The following KIF26A variants were observed in gnomAD, a reference collection of about 807,000 sequenced individuals.
The protein encoded by KIF26A is kinesin-like protein KIF26A.
KIF26A carries 74 observed loss-of-function variants against 126.0 expected under a neutral mutation model. That is an observed-to-expected ratio of 0.59 (90% CI 0.49 to 0.71). The LOEUF (loss-of-function observed/expected upper bound fraction) is 0.71, where lower values mean the gene tolerates loss of function less well. Ranked by LOEUF, KIF26A falls within the 30% of genes least tolerant of loss-of-function variation. The probability of loss-of-function intolerance (pLI) is 0.00; values close to 1 mark genes in which losing one functional copy is unlikely to be tolerated. For missense variants in KIF26A, 2,984 were observed against 2,763.3 expected, an observed-to-expected ratio of 1.08 and a Z score of -1.79; for synonymous variants, 1,445 against 1,232.7, an observed-to-expected ratio of 1.17 and a Z score of -3.61.
At position 104,157,718 on chromosome 14, in the gene KIF26A, C is replaced by T. The variant is rs1039460465; in HGVS notation, c.736-37C>T. On this transcript the variant is annotated intron_variant, in intron 3 of 14. Transcript: ENST00000423312. Reference sequence around the variant, plus strand: ...GCCAGGGGGCAGTGGTGTCTCTGCCCTTGCGTTCCTTATACGCACTCTCTC... The same window carrying T: ...GCCAGGGGGCAGTGGTGTCTCTGCCTTTGCGTTCCTTATACGCACTCTCTC... The T allele has an allele frequency of 5.0e-6, 8 of 1,592,184 alleles. No individual in the cohort carries two copies. In the African/African-American group the frequency reaches 9.4e-5, roughly 19 times the overall value.
In KIF26A at chr14:104,171,712, C is replaced by G. The variant is rs1216041071; in HGVS notation, c.1114-11C>G. The stretch of plus-strand genomic sequence containing the variant: ...AGGCAGCTTCTCAGGTGCCGCCCAC[C>G]TCTGCCCCAGGTGAAGGTTATGCTG... On this transcript the variant is annotated splice_polypyrimidine_tract_variant and intron_variant, in intron 5 of 14. Transcript: ENST00000423312. 1.3e-6 allele frequency: 2 copies of G among 1,556,094 alleles called. No homozygotes were observed. The highest frequency in any genetic ancestry group is 4.8e-5 in the East Asian group (2 of 41,796).
rs752772696 is a variant in KIF26A at position 104,175,350 on chromosome 14, C to T, written c.2562C>T (p.Asn854=). Residue 854 remains asparagine, a synonymous_variant, in exon 12 of 15, where the codon AAC becomes AAT. Coordinates refer to ENST00000423312, the MANE Select transcript of KIF26A (RefSeq NM_015656.2). ...AGCGGCTGGAATGCATGGACGGCAA[C>T]GAGGGTCCCTCAGGAGGTCCAGGTG... ...LQERLECMDG[N]EGPSGGPGGT... 3.7e-6 allele frequency: 6 copies of T among 1,602,682 alleles called. No individual in the cohort carries two copies. The highest frequency in any genetic ancestry group is 2.2e-5 in the East Asian group (1 of 44,806).
chr14:104,172,027 C>A, intron 6 of KIF26A, 92 bp downstream of exon 6: 2 of 1,240,636 alleles, frequency 1.6e-6, no homozygotes, highest in South Asian at 2.9e-5. Context: ...CTTCTCCGTG[C>A]AGGGCGCAGA....
At chr14:104,165,193 ATG>A (rs562875953) in intron 4 of KIF26A, among the ~76,000 whole-genome samples, 2 of 126,994 alleles carry the variant, frequency 1.6e-5, no homozygotes, top group African/African-American at 3.5e-5. Context: ...TTCTGTATGC[ATG>A]TGTGTGTCTG....
chr14:104,172,492 G>A (rs920010524), intron 6 of KIF26A, 83 bp from the exon 7 acceptor site: 4 of 956,678 alleles, frequency 4.2e-6, no homozygotes, highest in Non-Finnish European at 4.8e-6. Context: ...CTGCCTGCAT[G>A]TGCCAGGACA....
intron 2 of KIF26A, among the ~76,000 whole-genome samples, chr14:104,142,710 A>G (rs985119209): frequency 2.1e-4 from 32 of 151,922 alleles, no homozygotes; most frequent in Non-Finnish European, 3.5e-4. Flanking sequence ...ATGCTCACCC[A>G]CCACCGCAAA....
chr14:104,161,091 G>C (rs1191311094), intron 4 of KIF26A, among the ~76,000 whole-genome samples: 1 of 152,254 alleles, frequency 6.6e-6, no homozygotes, highest in Non-Finnish European at 1.5e-5. Context: ...GTCCCCACCT[G>C]TCTTCTGGCC....
At chr14:104,142,611 G>A (rs2037647215) in intron 2 of KIF26A, among the ~76,000 whole-genome samples, 1 of 152,160 alleles carries the variant, frequency 6.6e-6, no homozygotes. Context: ...AGATGTCCCT[G>A]TGGGAGGTTG....
rs879744130 is a variant in KIF26A at position 104,148,273 on chromosome 14, A to G, written c.289-3742A>G. 3.7e-4 allele frequency among the ~76,000 whole-genome samples: 57 copies of G among 152,216 alleles called. No individual in the cohort carries two copies. The highest frequency in any genetic ancestry group is 1.1e-3 in the Admixed American group (17 of 15,284). On this transcript the variant is annotated intron_variant, in intron 2 of 14. Coordinates refer to ENST00000423312, the MANE Select transcript of KIF26A (RefSeq NM_015656.2). This position sits in a 1 kb window ranked among gnomAD's most constrained non-coding sequence, Gnocchi z 4.3. ...AGACTCCCTAAAACCCAGGCGCGCA[A>G]TGGGTGGGCTATGTTTGATGCTAAA... is the stretch of plus-strand genomic sequence containing the variant.
chr14:104,180,756 G>A lies in KIF26A; in HGVS notation c.*966G>A, dbSNP rs539948154. 4.4e-4 allele frequency: 68 copies of A among 154,444 alleles called. No homozygotes were observed. Among genetic ancestry groups the A allele is most frequent in the African/African-American group, 1.6e-3 (66 of 41,636 alleles). The allele number at this position is 154,444 out of a possible 1,614,324, so 9.6% of individuals were successfully genotyped here. ...ATGCAGACGAGGGGTGAGCCTGCCA[G>A]CGTTTGCGACGTCCCCGCACGACAG... On this transcript the variant is annotated 3_prime_UTR_variant, in exon 15 of 15. Transcript: ENST00000423312.
Position 104,176,932 on chromosome 14 carries a change from C to T in KIF26A, c.4144C>T (p.Pro1382Ser). Residue 1382 changes from proline (P) to serine (S), a missense_variant, in exon 12 of 15, where the codon CCG (proline) becomes TCG (serine). Transcript: ENST00000423312. ...GAGGAGCAGCCCGGCCTCGGCCCCTCCGCATGCTGTGAACCCGGCGCGGGT... is the reference window on the plus strand; with the variant it reads ...GAGGAGCAGCCCGGCCTCGGCCCCTTCGCATGCTGTGAACCCGGCGCGGGT... ...EQRSSPASAP[P>S]HAVNPARVGA... 1.3e-6 allele frequency: 2 copies of T among 1,536,516 alleles called. No individual in the cohort carries two copies. Among genetic ancestry groups the T allele is most frequent in the Non-Finnish European group, 1.7e-6 (2 of 1,145,908 alleles).
chr14:104,138,847 T>G (rs2037608497), intron 1 of KIF26A, 83 bp downstream of exon 1: 1 of 1,260,280 alleles, frequency 7.9e-7, no homozygotes, highest in African/African-American at 1.6e-5. Flanking sequence ...GCTGGATCCC[T>G]GGGGGCCGGG....
At chr14:104,139,377 ACTC>A (rs1246823446) in intron 2 of KIF26A, 89 bp downstream of exon 2, 2 of 1,317,078 alleles carry the variant, frequency 1.5e-6, no homozygotes, top group African/African-American at 3.1e-5. Flanking sequence ...GCAGGGTTCC[ACTC>A]CTTCCCTGCT....
At position 104,176,776 on chromosome 14, in the gene KIF26A, G is replaced by A. The variant is rs776664258; in HGVS notation, c.3988G>A (p.Val1330Met). 4 of 1,577,890 alleles carry A rather than the reference G, an allele frequency of 2.5e-6. No homozygotes were observed. The African/African-American group carries it at 4.0e-5, about 16-fold the overall frequency. Reference protein sequence around the residue: ...VSWGDAPTEVVACSGSLKASP... With the variant: ...VSWGDAPTEVMACSGSLKASP... ...CTGGGGAGATGCTCCCACGGAGGTG[G>A]TGGCCTGCTCGGGGAGCCTGAAGGC... The change falls in exon 12 of 15, where the codon GTG becomes ATG. Residue 1330 changes from valine to methionine, a missense_variant. Transcript: ENST00000423312.
At position 104,178,553 on chromosome 14, in the gene KIF26A, T is replaced by C; in HGVS notation, c.5114T>C (p.Leu1705Pro). Residue 1705 changes from leucine (L) to proline (P), a missense_variant, in exon 13 of 15, where the codon CTG becomes CCG. Transcript: ENST00000423312. The stretch of plus-strand genomic sequence containing the variant: ...TGTGCCCGGCTCTCCGTTCCAGGTC[T>C]GCAGCGGCGGCGCCTGATTCCCGCC... ...LKSPKKRATG[L>P]QRRRLIPAPL... 6.8e-7 allele frequency: 1 copy of C among 1,464,470 alleles called. No homozygotes were observed. 90.7% of individuals were successfully genotyped at this position (1,464,470 alleles called of 1,614,324 possible). A position where few individuals can be genotyped will look rare whatever the true frequency, so the allele number is the denominator to read the frequency against.
chr14:104,152,595 T>G lies in KIF26A; in HGVS notation c.735+134T>G. ...GGGAGGGGACGGCGGGCATGGGGGT[T>G]CCTGACACTCCTGAGGCCCCACATC... On this transcript the variant is annotated intron_variant, in intron 3 of 14. Coordinates refer to ENST00000423312, the MANE Select transcript of KIF26A (RefSeq NM_015656.2). The surrounding 1 kb of genome is among the most constrained non-coding windows in gnomAD (Gnocchi z 5.9). The G allele has an allele frequency of 1.3e-6, 1 of 784,292 alleles. No homozygotes were observed. Among genetic ancestry groups the G allele is most frequent in the Admixed American group, 3.1e-5 (1 of 32,478 alleles). 48.6% of individuals were successfully genotyped at this position (784,292 alleles called of 1,614,324 possible).
rs375491612 is a variant in KIF26A, at chr14:104,172,984, G to A, written c.1428G>A (p.Ser476=). ...FSFGHMSLGK[S]YTMIGKDSSP... ...CGCCTGCGTGGCCCCCAGGCAAGTC[G>A]TACACCATGATCGGGAAGGACAGCT... Residue 476 remains serine, a synonymous_variant, in exon 8 of 15, where the codon TCG becomes TCA. Coordinates refer to ENST00000423312, the MANE Select transcript of KIF26A (RefSeq NM_015656.2). 145 of 1,595,124 alleles carry A rather than the reference G, an allele frequency of 9.1e-5. No homozygotes were observed. Among genetic ancestry groups the A allele is most frequent in the African/African-American group, 1.1e-4 (8 of 74,582 alleles).
chr14:104,163,715 G>A (rs916744631), intron 4 of KIF26A, among the ~76,000 whole-genome samples: 1 of 151,432 alleles, frequency 6.6e-6, no homozygotes, highest in Non-Finnish European at 1.5e-5. Flanking sequence ...GGCACGGGGC[G>A]GCCATGGGCC....
At chr14:104,162,303 A>G (rs2037840673) in intron 4 of KIF26A, among the ~76,000 whole-genome samples, 1 of 152,062 alleles carries the variant, frequency 6.6e-6, no homozygotes, top group Non-Finnish European at 1.5e-5. Flanking sequence ...AACCTTCCAG[A>G]CTTCCAGGGC....
Sources: gnomAD v4.1 joint callset for allele counts (sites outside exome capture counted in the v4.1 genomes callset) on GRCh38, gnomAD v4.1.1 for gene constraint, Gnocchi (gnomAD v3.1) non-coding constraint, MANE v1.5 for transcripts, NCBI Gene and HGNC (gene_info 2026-07-23, HGNC 2026-07-21) for gene names.